The following CYP4F22 variants were observed in gnomAD, a reference collection of about 807,000 sequenced individuals.
CYP4F22 encodes the protein cytochrome P450 family 4 subfamily F member 22.
In CYP4F22, 37 loss-of-function variants were observed where a neutral mutation model predicts 60.4. The observed-to-expected ratio is 0.61, with a 90% CI of 0.47 to 0.81. The LOEUF (loss-of-function observed/expected upper bound fraction) is 0.81, where lower values mean the gene tolerates loss of function less well. Among genes scored for constraint, CYP4F22 ranks in the 30% least tolerant of loss-of-function variants. CYP4F22 has a pLI of 0.00. For synonymous variants in CYP4F22, 258 were observed against 280.5 expected (o/e 0.92, Z 0.80); for missense variants, 655 against 715.0 (o/e 0.92, Z 0.96).
At chr19:15,514,432 A>G (rs1971130427) in intron 1 of CYP4F22, among the ~76,000 whole-genome samples, 2 of 152,248 alleles carry the variant, frequency 1.3e-5, no homozygotes, top group African/African-American at 4.8e-5. Flanking sequence ...TCATGCCAGT[A>G]ATCCCAGCAC....
chr19:15,521,999 G>A lies in CYP4F22; in HGVS notation c.-108-1694G>A, dbSNP rs1281910604. Among the ~76,000 whole-genome samples the A allele has an allele frequency of 9.2e-5, 14 of 152,120 alleles. No homozygotes were observed. In the East Asian group the frequency reaches 2.7e-3, roughly 30 times the overall value. ...GTCTCTGCTAAAAATACAAAAATTA[G>A]CCCAGCATGGTGGCGGGTGCCTATA... On this transcript the variant is annotated intron_variant, in intron 1 of 13. Coordinates refer to ENST00000269703, the MANE Select transcript of CYP4F22 (RefSeq NM_173483.4).
chr19:15,544,194 T>C lies in CYP4F22; in HGVS notation c.1051T>C (p.Leu351=), dbSNP rs1971496150. 1.2e-6 allele frequency: 2 copies of C among 1,614,120 alleles called. No individual in the cohort carries two copies. The highest frequency in any genetic ancestry group is 1.7e-6 in the Non-Finnish European group (2 of 1,180,038). Residue 351 remains leucine, a synonymous_variant, in exon 10 of 14, where the codon TTG becomes CTG. Transcript: ENST00000269703. ...TGGGATCTCTTGGATGCTGTTCAAT[T>C]TGGCAAAGTATCCGGAATACCAGGA... ...SSGISWMLFN[L]AKYPEYQEKC...
intron 11 of CYP4F22, 74 bp from the exon 12 acceptor site, chr19:15,549,064 G>T: frequency 6.5e-7 from 1 of 1,548,614 alleles, no homozygotes; most frequent in Non-Finnish European, 8.9e-7. Flanking sequence ...GCTCTAGGGA[G>T]ACCCAAGTTG....
In CYP4F22 at chr19:15,548,126, G is replaced by T. The variant is rs568960604; in HGVS notation, c.1155G>T (p.Leu385=). The T allele has an allele frequency of 1.4e-5, 23 of 1,612,544 alleles. No individual in the cohort carries two copies. The East Asian group carries it at 2.0e-4, about 14-fold the overall frequency. The change falls in exon 11 of 14, where the codon CTG becomes CTT. Residue 385 remains leucine, a synonymous_variant. Coordinates refer to ENST00000269703, the MANE Select transcript of CYP4F22 (RefSeq NM_173483.4). ...EELEWDDLTQ[L]PFTTMCIKES... Reference sequence around the variant, plus strand: ...TCCCCAGGGACGATCTGACTCAGCTGCCCTTTACAACTATGTGCATTAAGG... The same window carrying T: ...TCCCCAGGGACGATCTGACTCAGCTTCCCTTTACAACTATGTGCATTAAGG...
intron 1 of CYP4F22, among the ~76,000 whole-genome samples, chr19:15,521,692 AC>A (rs1349556464): frequency 5.9e-5 from 9 of 152,096 alleles, no homozygotes; most frequent in African/African-American, 2.2e-4. Flanking sequence ...TTTTTAAGAT[AC>A]AGGATCTCCC....
intron 1 of CYP4F22, among the ~76,000 whole-genome samples, chr19:15,509,897 C>T (rs898606371): frequency 0.027 from 3,135 of 114,702 alleles, 160 homozygotes; most frequent in East Asian, 0.19. Context: ...TCCTTCCTTC[C>T]TTCCTTCCTT....
intron 1 of CYP4F22, among the ~76,000 whole-genome samples, chr19:15,511,996 C>T (rs576421576): frequency 5.9e-5 from 9 of 152,276 alleles, no homozygotes; most frequent in Admixed American, 2.0e-4. Flanking sequence ...GATCGGGGGC[C>T]GGTGTAGATA....
In CYP4F22 at chr19:15,540,451, A is replaced by C. The variant is rs1322641696; in HGVS notation, c.673A>C (p.Lys225Gln). ...CATGGATCCCCTTCTCCTTGGCAGG[A>C]AGATGAGTGATTATATCTCCGCTAT... ...VFSYNSNCQE[K>Q]MSDYISAIIE... is the part of the protein sequence containing the mutation. The change falls in exon 8 of 14, where the codon AAG becomes CAG. Residue 225 changes from lysine (K) to glutamine (Q), a missense_variant and splice_region_variant. Physicochemically the swap from Lys to Gln is moderately conservative, Grantham distance 53 (BLOSUM62 1). Around this residue, in one of 3 missense-constraint regions of CYP4F22, gnomAD observed 430 missense variants for 457.1 expected, o/e 0.94. Coordinates refer to ENST00000269703, the MANE Select transcript of CYP4F22 (RefSeq NM_173483.4). The C allele has an allele frequency of 6.2e-7, 1 of 1,614,036 alleles. No individual in the cohort carries two copies. The highest frequency in any genetic ancestry group is 1.7e-5 in the Admixed American group (1 of 59,992).
At chr19:15,539,675 G>C (rs1198334069) in intron 7 of CYP4F22, among the ~76,000 whole-genome samples, 1 of 152,222 alleles carries the variant, frequency 6.6e-6, no homozygotes, top group Non-Finnish European at 1.5e-5. Flanking sequence ...CCCAACCAGT[G>C]ATGTATGAGA....
intron 1 of CYP4F22, among the ~76,000 whole-genome samples, chr19:15,510,945 CATATAT>C (rs1183507990): frequency 9.0e-6 from 1 of 111,632 alleles, no homozygotes; most frequent in Non-Finnish European, 1.7e-5. Context: ...ATAGGGATAC[CATATAT>C]ATATATATAT....
chr19:15,538,155 CT>C (rs897589364), intron 7 of CYP4F22, among the ~76,000 whole-genome samples, 162 bp downstream of exon 7: 84 of 149,158 alleles, frequency 5.6e-4, no homozygotes, highest in African/African-American at 1.5e-3. Flanking sequence ...CTGAGCTTCA[CT>C]TTTTTTTTTA....
chr19:15,522,178 A>T (rs112286017), intron 1 of CYP4F22, among the ~76,000 whole-genome samples: 1 of 150,528 alleles, frequency 6.6e-6, no homozygotes, highest in Non-Finnish European at 1.5e-5. Context: ...GAAACACCAT[A>T]TGGTTTTCCC....
intron 1 of CYP4F22, chr19:15,516,772 G>C: frequency 1.7e-6 from 1 of 584,204 alleles, no homozygotes; most frequent in South Asian, 2.5e-5. Flanking sequence ...TGGAAAGATA[G>C]TCCACTTGCT....
At chr19:15,550,362 G>A (rs1019558563) in intron 12 of CYP4F22, among the ~76,000 whole-genome samples, 17 of 152,216 alleles carry the variant, frequency 1.1e-4, no homozygotes, top group Non-Finnish European at 1.6e-4. Flanking sequence ...ACTTTAGCTC[G>A]AGTGGTTATG....
chr19:15,517,910 G>A (rs976873915), intron 1 of CYP4F22, among the ~76,000 whole-genome samples: 3 of 152,146 alleles, frequency 2.0e-5, no homozygotes, highest in South Asian at 2.1e-4. Context: ...CTCTGAGACG[G>A]GAAGTTGCTT....
chr19:15,515,511 G>A (rs2144498350), intron 1 of CYP4F22: 10 of 655,302 alleles, frequency 1.5e-5, no homozygotes, highest in South Asian at 1.1e-4. Flanking sequence ...GTTCGCCTGA[G>A]GTCAGGAGTT....
At chr19:15,548,999 T>G (rs1971564391) in intron 11 of CYP4F22, 139 bp from the exon 12 acceptor site, 1 of 915,066 alleles carries the variant, frequency 1.1e-6, no homozygotes, top group Non-Finnish European at 1.7e-6. Context: ...GCAGCAGAAT[T>G]TTTTAGAGAA....
chr19:15,550,952 C>T (rs563632665), intron 13 of CYP4F22, among the ~76,000 whole-genome samples, 196 bp downstream of exon 13: 5 of 152,266 alleles, frequency 3.3e-5, no homozygotes, highest in African/African-American at 9.6e-5. Flanking sequence ...TGAGCACCAA[C>T]GGTGTGTCAG....
chr19:15,524,622 G>C (rs1971259605), intron 2 of CYP4F22, among the ~76,000 whole-genome samples: 1 of 151,868 alleles, frequency 6.6e-6, no homozygotes, highest in Admixed American at 6.6e-5. Flanking sequence ...CTGCACTCCA[G>C]CTGGGTGACA....
Sources: allele counts gnomAD v4.1 joint callset (sites outside exome capture counted in the v4.1 genomes callset), GRCh38; gene constraint gnomAD v4.1.1; regional missense constraint gnomAD v4.1.1; transcripts MANE v1.5; gene names NCBI Gene and HGNC (gene_info 2026-07-23, HGNC 2026-07-21).